ZZEF1: variants seen among roughly 807,000 people sequenced by gnomAD.
The protein encoded by ZZEF1 is zinc finger ZZ-type and EF-hand domain containing 1.
Under a neutral mutation model 342.8 loss-of-function variants are expected in ZZEF1, and 157 were observed. That is an observed-to-expected ratio of 0.46 (90% CI 0.40 to 0.52). The LOEUF (loss-of-function observed/expected upper bound fraction) is 0.52, where lower values mean the gene tolerates loss of function less well. Ranked by LOEUF, ZZEF1 falls within the 20% of genes least tolerant of loss-of-function variation. ZZEF1 has a pLI of 0.00. For synonymous variants in ZZEF1, 1,505 were observed against 1,429.1 expected (o/e 1.05, Z -1.20); for missense variants, 3,480 against 3,725.6 (o/e 0.93, Z 1.72).
At chr17:4,137,825 T>C (rs543161183) in intron 1 of ZZEF1, among the ~76,000 whole-genome samples, 3 of 152,274 alleles carry the variant, frequency 2.0e-5, no homozygotes, top group East Asian at 3.9e-4. Flanking sequence ...GCCTCAGCTG[T>C]AGGGCTGAAA....
At chr17:4,123,153 C>A (rs557682554) in intron 2 of ZZEF1, among the ~76,000 whole-genome samples, 1 of 150,698 alleles carries the variant, frequency 6.6e-6, no homozygotes, top group Non-Finnish European at 1.5e-5. Flanking sequence ...ATCTCCTGAC[C>A]TCGTGATCCG....
At chr17:4,049,432 A>G (rs2056996882) in intron 37 of ZZEF1, among the ~76,000 whole-genome samples, 1 of 152,154 alleles carries the variant, frequency 6.6e-6, no homozygotes, top group East Asian at 1.9e-4. Flanking sequence ...GGATCACTTC[A>G]GCCTGGGGAG....
chr17:4,122,922 C>CTTTTT (rs71144167), intron 2 of ZZEF1, among the ~76,000 whole-genome samples: 1 of 136,706 alleles, frequency 7.3e-6, no homozygotes, highest in Non-Finnish European at 1.5e-5. Context: ...TGACCTCTTC[C>CTTTTT]TTTTTTTTTT....
At chr17:4,007,033 A>G (rs2055817003) in intron 54 of ZZEF1, 63 bp from the exon 55 acceptor site, 7 of 1,434,900 alleles carry the variant, frequency 4.9e-6, no homozygotes, top group South Asian at 2.7e-5. Context: ...GTGAGTGCTG[A>G]TAAGACCCTC....
chr17:4,064,854 TGA>T, intron 28 of ZZEF1, 25 bp from the exon 29 acceptor site: 1 of 1,172,012 alleles, frequency 8.5e-7, no homozygotes, highest in Non-Finnish European at 1.1e-6. Flanking sequence ...GAATCATAAT[TGA>T]AAAAAAAAAA....
In ZZEF1 at chr17:4,096,407, G is replaced by A. The variant is rs187451025; in HGVS notation, c.1764+202C>T. Among the ~76,000 whole-genome samples, 392 of 152,290 alleles carry A rather than the reference G, an allele frequency of 2.6e-3. 2 individuals carry two copies. Among genetic ancestry groups the A allele is most frequent in the African/African-American group, 8.9e-3 (368 of 41,560 alleles). Reference sequence around the variant, plus strand: ...TGTACATGGAAAAGTAACTACAACAGTGTAATGGATTGTTTATAACACAAA... The same window carrying A: ...TGTACATGGAAAAGTAACTACAACAATGTAATGGATTGTTTATAACACAAA... On this transcript the variant is annotated intron_variant, in intron 10 of 54. Transcript: ENST00000381638.
intron 1 of ZZEF1, among the ~76,000 whole-genome samples, chr17:4,130,011 A>C (rs969626020): frequency 3.3e-5 from 5 of 152,082 alleles, no homozygotes; most frequent in Non-Finnish European, 7.4e-5. Context: ...GGGCCTACCT[A>C]AGGTGGGAGG....
chr17:4,080,754 G>T (rs184112576), intron 18 of ZZEF1, among the ~76,000 whole-genome samples: 263 of 152,222 alleles, frequency 1.7e-3, no homozygotes, highest in African/African-American at 6.0e-3. Context: ...ACATATCTGT[G>T]TGTTGGGCTC....
rs112239877 is a variant in ZZEF1 at position 4,097,677 on chromosome 17, C to T, written c.1673-977G>A. Among the ~76,000 whole-genome samples, 667 of 152,206 alleles carry T rather than the reference C, an allele frequency of 4.4e-3. 9 individuals are homozygous for T. The highest frequency in any genetic ancestry group is 0.014 in the African/African-American group (596 of 41,514). On this transcript the variant is annotated intron_variant, in intron 9 of 54. Coordinates refer to ENST00000381638, the MANE Select transcript of ZZEF1 (RefSeq NM_015113.4). ...TGTTGCTGATTATTCCTTATGGATA[C>T]TGACCAACATTCTATCTATTTGTAA...
At position 4,112,673 on chromosome 17, in the gene ZZEF1, C is replaced by A; in HGVS notation, c.1002G>T (p.Val334=). ...AGCCAGTGACATTGCTGGGGATGTG[C>A]ACATCTCGGACTTCCTGAAGATCGC... The part of the protein sequence containing the change: ...NASDLQEVRD[V]HIPSNVTGYV... Residue 334 remains valine (V), a synonymous_variant, in exon 5 of 55, where the codon GTG becomes GTT. Transcript: ENST00000381638. 6.2e-7 allele frequency: 1 copy of A among 1,614,226 alleles called. No individual in the cohort carries two copies. Among genetic ancestry groups the A allele is most frequent in the Non-Finnish European group, 8.5e-7 (1 of 1,180,048 alleles).
At chr17:4,106,111 G>T (rs757278808) in intron 6 of ZZEF1, among the ~76,000 whole-genome samples, 1 of 152,076 alleles carries the variant, frequency 6.6e-6, no homozygotes, top group African/African-American at 2.4e-5. Context: ...CACCACGCTT[G>T]ACTAATTTGT....
At chr17:4,102,464 T>C (rs371670867) in intron 8 of ZZEF1, 49 bp from the exon 9 acceptor site, 42 of 1,531,898 alleles carry the variant, frequency 2.7e-5, no homozygotes, top group Non-Finnish European at 3.3e-5. Flanking sequence ...TATGAAGAAC[T>C]GGAAACTAGC....
chr17:4,012,078 C>T (rs1373742240), intron 52 of ZZEF1, among the ~76,000 whole-genome samples: 1 of 152,244 alleles, frequency 6.6e-6, no homozygotes, highest in African/African-American at 2.4e-5. Flanking sequence ...TTGCCAATGG[C>T]CAGCAGACTG....
chr17:4,128,621 G>A (rs898388604), intron 1 of ZZEF1, among the ~76,000 whole-genome samples: 3 of 150,682 alleles, frequency 2.0e-5, no homozygotes, highest in Non-Finnish European at 3.0e-5. Flanking sequence ...CACCACACCT[G>A]GCTAATTTTT....
At chr17:4,092,064 G>A (rs73318776) in intron 11 of ZZEF1, among the ~76,000 whole-genome samples, 19,436 of 127,922 alleles carry the variant, frequency 0.15, 1,512 homozygotes, top group East Asian at 0.21. Context: ...CAACAAGAGC[G>A]AAACTCCACC....
At chr17:4,019,300 G>C (rs2056201180) in intron 46 of ZZEF1, among the ~76,000 whole-genome samples, 1 of 152,170 alleles carries the variant, frequency 6.6e-6, no homozygotes, top group Non-Finnish European at 1.5e-5. Flanking sequence ...TCCTGGCCAA[G>C]AGAAAGGGAA....
chr17:4,081,553 A>G (rs1172481568), intron 17 of ZZEF1, 63 bp from the exon 18 acceptor site: 7 of 1,367,000 alleles, frequency 5.1e-6, no homozygotes, highest in Non-Finnish European at 7.2e-6. Context: ...TACTATTTTA[A>G]AAGATTCCAA....
intron 44 of ZZEF1, 41 bp downstream of exon 44, chr17:4,022,668 T>C: frequency 1.2e-6 from 2 of 1,612,338 alleles, no homozygotes; most frequent in Non-Finnish European, 1.7e-6. Flanking sequence ...CCAGCACATC[T>C]GCACCAGGAA....
chr17:4,124,400 A>C (rs2058540419), intron 1 of ZZEF1, among the ~76,000 whole-genome samples: 1 of 152,216 alleles, frequency 6.6e-6, no homozygotes, highest in African/African-American at 2.4e-5. Flanking sequence ...GTGCCAGAAT[A>C]TAAAGAATTG....
Sources: allele counts gnomAD v4.1 joint callset (sites outside exome capture counted in the v4.1 genomes callset), GRCh38; gene constraint gnomAD v4.1.1; transcripts MANE v1.5; gene names NCBI Gene and HGNC (gene_info 2026-07-23, HGNC 2026-07-21).